Variants in CGGBP1 observed in about 807,000 individuals in gnomAD.
CGGBP1 encodes CGG triplet repeat binding protein 1, also known as CGG triplet repeat-binding protein 1.
Under a neutral mutation model 11.4 loss-of-function variants are expected in CGGBP1, and 4 were observed. That is an observed-to-expected ratio of 0.35 (90% CI 0.17 to 0.80). CGGBP1 has a LOEUF of 0.80. Among genes scored for constraint, CGGBP1 ranks in the 30% least tolerant of loss-of-function variants. The pLI, the probability that CGGBP1 is intolerant of heterozygous loss-of-function variation, is 0.52. For synonymous variants in CGGBP1, 76 were observed against 74.1 expected, an observed-to-expected ratio of 1.03 and a Z score of -0.13; for missense variants, 135 against 202.1, an observed-to-expected ratio of 0.67 and a Z score of 2.01.
chr3:88,104,300 A>G (rs1224140337), intron 2 of CGGBP1, among the ~76,000 whole-genome samples: 1 of 152,234 alleles, frequency 6.6e-6, no homozygotes, highest in African/African-American at 2.4e-5. Flanking sequence ...ACTGTAAAAC[A>G]TAACTGATCA....
intron 2 of CGGBP1, among the ~76,000 whole-genome samples, chr3:88,094,659 CT>C (rs1197417406): frequency 4.6e-5 from 7 of 152,006 alleles, no homozygotes; most frequent in Non-Finnish European, 8.8e-5. Flanking sequence ...GATCTTTATT[CT>C]TTAAAAGTTA....
chr3:88,104,552 T>C (rs1339032868), intron 2 of CGGBP1, among the ~76,000 whole-genome samples: 2 of 152,200 alleles, frequency 1.3e-5, no homozygotes, highest in Non-Finnish European at 2.9e-5. Flanking sequence ...ATATTATTGG[T>C]TTGTAGCATG....
chr3:88,128,191 G>A (rs946953624), intron 2 of CGGBP1, among the ~76,000 whole-genome samples: 3 of 151,780 alleles, frequency 2.0e-5, no homozygotes, highest in Admixed American at 2.0e-4. Context: ...TTTAGCTAAT[G>A]GTGTTTATAT....
At chr3:88,073,102 G>A (rs919515153) in intron 2 of CGGBP1, among the ~76,000 whole-genome samples, 1 of 152,150 alleles carries the variant, frequency 6.6e-6, no homozygotes, top group Non-Finnish European at 1.5e-5. Context: ...TAATTGATTA[G>A]AAATATGGTT....
upstream of CGGBP1, chr3:88,059,367 G>T: frequency 6.5e-7 from 1 of 1,535,334 alleles, no homozygotes; most frequent in Non-Finnish European, 8.7e-7. Flanking sequence ...TCGGAGAAGA[G>T]CTTGTGGCCA....
At chr3:88,130,616 A>G (rs896480811) in intron 2 of CGGBP1, among the ~76,000 whole-genome samples, 34 of 28,124 alleles carry the variant, frequency 1.2e-3, no homozygotes, top group Admixed American at 2.5e-3. Context: ...ATGCCCAGCT[A>G]ATTTTTTTTT....
At chr3:88,088,506 G>A (rs1178932429) in intron 2 of CGGBP1, among the ~76,000 whole-genome samples, 2 of 152,126 alleles carry the variant, frequency 1.3e-5, no homozygotes, top group Non-Finnish European at 2.9e-5. Flanking sequence ...AAATGAATTT[G>A]AAATTAAGAA....
chr3:88,071,693 A>G (rs535563864), intron 2 of CGGBP1, among the ~76,000 whole-genome samples: 24 of 152,090 alleles, frequency 1.6e-4, no homozygotes, highest in South Asian at 1.5e-3. Flanking sequence ...AATCTCAGCT[A>G]TTCAGGAGGA....
intron 2 of CGGBP1, among the ~76,000 whole-genome samples, chr3:88,079,862 C>T (rs1282821089): frequency 1.3e-5 from 2 of 151,918 alleles, no homozygotes; most frequent in African/African-American, 2.4e-5. Flanking sequence ...CCAGAAATAC[C>T]AGGTTTTAGG....
At chr3:88,116,434 C>T (rs1338299518) in intron 2 of CGGBP1, among the ~76,000 whole-genome samples, 1 of 151,774 alleles carries the variant, frequency 6.6e-6, no homozygotes, top group Admixed American at 6.6e-5. Flanking sequence ...GCAGGAGAAT[C>T]GCTTGAACCT....
chr3:88,086,155 C>T (rs1238091113), intron 2 of CGGBP1: 9 of 1,060,600 alleles, frequency 8.5e-6, no homozygotes, highest in Middle Eastern at 3.1e-4. Context: ...GTGTTCATGC[C>T]GATCTAATAT....
intron 2 of CGGBP1, among the ~76,000 whole-genome samples, chr3:88,106,360 CAG>C (rs1367420275): frequency 6.6e-6 from 1 of 152,010 alleles, no homozygotes; most frequent in Non-Finnish European, 1.5e-5. Flanking sequence ...TTTTGGAAGA[CAG>C]AGTCTCACTC....
chr3:88,102,048 CA>C (rs1704457523), intron 2 of CGGBP1, among the ~76,000 whole-genome samples: 1 of 151,676 alleles, frequency 6.6e-6, no homozygotes, highest in African/African-American at 2.4e-5. Context: ...TCTGGATATA[CA>C]CTCTTTATCA....
At chr3:88,075,991 G>T (rs183350483) in intron 2 of CGGBP1, among the ~76,000 whole-genome samples, 1 of 152,218 alleles carries the variant, frequency 6.6e-6, no homozygotes, top group Admixed American at 6.5e-5. Context: ...ACTTCCCTGA[G>T]ACCTAACTTT....
intron 2 of CGGBP1, among the ~76,000 whole-genome samples, chr3:88,116,726 G>T (rs919452453): frequency 6.6e-6 from 1 of 151,906 alleles, no homozygotes; most frequent in Non-Finnish European, 1.5e-5. Context: ...ATTACCCAGA[G>T]GTAAGAAAGT....
At chr3:88,083,941 T>TTATATATATATATATATATATATATATA (rs78670676) in intron 2 of CGGBP1, among the ~76,000 whole-genome samples, 125 of 147,734 alleles carry the variant, frequency 8.5e-4, no homozygotes, top group Middle Eastern at 3.5e-3. Flanking sequence ...TGTACTTATT[T>TTATATATATATATATATATATATATATA]TATATATATA....
At chr3:88,128,730 T>G in intron 2 of CGGBP1, 1 of 942,392 alleles carries the variant, frequency 1.1e-6, no homozygotes, top group Non-Finnish European at 1.6e-6. Context: ...AACCATATTT[T>G]AGTGGTAAAG....
chr3:88,084,748 C>A (rs1576234333), intron 2 of CGGBP1, among the ~76,000 whole-genome samples: 1 of 152,164 alleles, frequency 6.6e-6, no homozygotes, highest in East Asian at 1.9e-4. Flanking sequence ...AGATAATGGA[C>A]TTTATTAATC....
At chr3:88,126,134 G>T in intron 2 of CGGBP1, 1 of 1,502,000 alleles carries the variant, frequency 6.7e-7, no homozygotes, top group South Asian at 1.3e-5. Context: ...TCTCTCCTAG[G>T]AATGCCAGAA....
Sources: gnomAD v4.1 joint callset for allele counts (sites outside exome capture counted in the v4.1 genomes callset) on GRCh38, gnomAD v4.1.1 for gene constraint, MANE v1.5 for transcripts, NCBI Gene and HGNC (gene_info 2026-07-23, HGNC 2026-07-21) for gene names.